The following DLC1 variants were observed in gnomAD, a reference collection of about 807,000 sequenced individuals.
The protein encoded by DLC1 is rho GTPase-activating protein 7.
DLC1 carries 54 observed loss-of-function variants against 140.3 expected under a neutral mutation model. That is an observed-to-expected ratio of 0.38 (90% CI 0.31 to 0.48). The LOEUF is 0.48. DLC1 is among the 20% of genes least tolerant of loss of function. The pLI, the probability that DLC1 is intolerant of heterozygous loss-of-function variation, is 0.96. For missense variants in DLC1, 2,536 were observed against 1,907.0 expected, an observed-to-expected ratio of 1.33 and a Z score of -6.14; for synonymous variants, 986 against 728.1, an observed-to-expected ratio of 1.35 and a Z score of -5.70.
intron 1 of DLC1, among the ~76,000 whole-genome samples, chr8:13,556,669 G>T (rs577638086): frequency 6.6e-6 from 1 of 152,134 alleles, no homozygotes; most frequent in South Asian, 2.1e-4. Context: ...TAGGCTGGGC[G>T]CCTGACAGGA....
chr8:13,276,624 C>A, intron 5 of DLC1: 1 of 1,218,360 alleles, frequency 8.2e-7, no homozygotes, highest in Non-Finnish European at 1.0e-6. Flanking sequence ...CGGCGACACC[C>A]TCGCGGGGCG....
At chr8:13,263,917 G>C (rs143289578) in intron 5 of DLC1, among the ~76,000 whole-genome samples, 349 of 151,836 alleles carry the variant, frequency 2.3e-3, no homozygotes, top group African/African-American at 7.6e-3. Context: ...TGCGCACAGA[G>C]ACATTGACAA....
chr8:13,379,860 C>G (rs1173340675), intron 4 of DLC1, among the ~76,000 whole-genome samples: 1 of 152,108 alleles, frequency 6.6e-6, no homozygotes, highest in Non-Finnish European at 1.5e-5. Context: ...ATCGATGAAA[C>G]TGGAAACCAT....
chr8:13,579,141 C>A (rs754558558), intron 1 of DLC1, among the ~76,000 whole-genome samples: 1 of 148,140 alleles, frequency 6.8e-6, no homozygotes, highest in East Asian at 2.0e-4. Flanking sequence ...GTGTTAGGAG[C>A]TTTGTGCCAG....
rs1022089311 is a variant in DLC1, at chr8:13,160,477, C to G, written c.1349-44820G>C. Among the ~76,000 whole-genome samples the G allele has an allele frequency of 2.0e-5, 3 of 152,318 alleles. No individual in the cohort carries two copies. The South Asian group carries it at 6.2e-4, about 32-fold the overall frequency. On this transcript the variant is annotated intron_variant, in intron 5 of 17. Coordinates refer to ENST00000276297, the MANE Select transcript of DLC1 (RefSeq NM_182643.3). ...ATCATCCCCACTGGGCTTTCACAGG[C>G]TCTGTCCTCTTGGATGTGGTGGCTA...
At chr8:13,212,243 C>A (rs1048945825) in intron 5 of DLC1, among the ~76,000 whole-genome samples, 3 of 152,108 alleles carry the variant, frequency 2.0e-5, no homozygotes, top group Non-Finnish European at 2.9e-5. Flanking sequence ...CCACGATGGC[C>A]TTCTCAGCTT....
chr8:13,494,570 T>C (rs1801412792), intron 2 of DLC1, among the ~76,000 whole-genome samples: 1 of 152,180 alleles, frequency 6.6e-6, no homozygotes. Context: ...GAACTTCTTA[T>C]CCCTATTTTA....
intron 1 of DLC1, among the ~76,000 whole-genome samples, chr8:13,535,227 A>G (rs1803236948): frequency 6.6e-6 from 1 of 152,154 alleles, no homozygotes; most frequent in South Asian, 2.1e-4. Context: ...CTAAATAGTC[A>G]TGTGTACATC....
intron 5 of DLC1, among the ~76,000 whole-genome samples, chr8:13,131,001 T>C (rs948103297): frequency 6.6e-6 from 1 of 152,234 alleles, no homozygotes; most frequent in Non-Finnish European, 1.5e-5. Flanking sequence ...TGTGAATACA[T>C]GCAATCGCCA....
At chr8:13,195,223 A>C (rs1019015499) in intron 5 of DLC1, among the ~76,000 whole-genome samples, 1 of 152,128 alleles carries the variant, frequency 6.6e-6, no homozygotes, top group Non-Finnish European at 1.5e-5. Context: ...ATTTATCACC[A>C]ATTAGCCCTG....
chr8:13,154,383 G>A (rs13259342), intron 5 of DLC1, among the ~76,000 whole-genome samples: 51,196 of 152,122 alleles, frequency 0.34, 9,849 homozygotes, highest in East Asian at 0.53. Context: ...GGAGCATGGC[G>A]CCTGCGGGCC....
intron 2 of DLC1, among the ~76,000 whole-genome samples, chr8:13,477,415 C>T (rs560624616): frequency 1.5e-4 from 23 of 152,216 alleles, no homozygotes; most frequent in South Asian, 4.2e-4. Context: ...ACCAGGAGCA[C>T]GGATGTACAT....
chr8:13,121,673 T>G lies in DLC1; in HGVS notation c.1349-6016A>C, dbSNP rs911766275. Among the ~76,000 whole-genome samples the G allele has an allele frequency of 3.3e-4, 50 of 151,978 alleles. 2 individuals are homozygous for G. The highest frequency in any genetic ancestry group is 2.4e-4 in the Non-Finnish European group (16 of 67,974). ...AAGAAACCCTCCTGCCTCAGCCTCC[T>G]GAGTAGCTGGGACTACAGGTGTGTA... On this transcript the variant is annotated intron_variant, in intron 5 of 17. Transcript: ENST00000276297.
At chr8:13,551,697 A>G (rs539253614) in intron 1 of DLC1, among the ~76,000 whole-genome samples, 1 of 151,980 alleles carries the variant, frequency 6.6e-6, no homozygotes, top group African/African-American at 2.4e-5. Flanking sequence ...ACTTTTGGCA[A>G]GGCAAACATA....
rs1020319520 is a variant in DLC1 at position 13,094,790 on chromosome 8, T to G, written c.3495A>C (p.Lys1165Asn). Residue 1165 changes from lysine (K) to asparagine (N), a missense_variant, in exon 12 of 18, where the codon AAA (lysine) becomes AAC (asparagine). Transcript: ENST00000276297. The part of the protein sequence containing the change: ...RDLPEPLMTN[K>N]LSETFLQIYQ... ...AGATCTGTAGAAAGGTTTCCGAGAG[T>G]TTGTTCGTCATTAGTGGCTCAGGAA... 3 of 1,613,724 alleles carry G rather than the reference T, an allele frequency of 1.9e-6. No homozygotes were observed. In the African/African-American group the frequency reaches 4.0e-5, roughly 22 times the overall value.
intron 5 of DLC1, chr8:13,132,964 G>A (rs989693215): frequency 1.9e-6 from 3 of 1,611,072 alleles, no homozygotes; most frequent in African/African-American, 1.3e-5. Context: ...CATGGTGTCC[G>A]GCTTCTTTCT....
At chr8:13,144,760 G>T (rs1311782043) in intron 5 of DLC1, among the ~76,000 whole-genome samples, 1 of 152,094 alleles carries the variant, frequency 6.6e-6, no homozygotes, top group Non-Finnish European at 1.5e-5. Context: ...GCGATACTCT[G>T]CCTCATAAAC....
chr8:13,148,661 TTTGTTG>T (rs201284340), intron 5 of DLC1, among the ~76,000 whole-genome samples: 6 of 152,028 alleles, frequency 3.9e-5, no homozygotes, highest in Admixed American at 1.3e-4. Context: ...GAGGGTTGTT[TTTGTTG>T]TTGTTGTTGT....
intron 5 of DLC1, among the ~76,000 whole-genome samples, chr8:13,183,949 CT>C (rs893983886): frequency 3.9e-5 from 6 of 152,062 alleles, no homozygotes; most frequent in African/African-American, 1.4e-4. Context: ...TGGTCCTGGA[CT>C]TTTTTTGGAA....
Sources: allele counts gnomAD v4.1 joint callset (sites outside exome capture counted in the v4.1 genomes callset), GRCh38; gene constraint gnomAD v4.1.1; transcripts MANE v1.5; gene names NCBI Gene and HGNC (gene_info 2026-07-23, HGNC 2026-07-21).